ADGRV1: variants seen among roughly 807,000 people sequenced by gnomAD.
The protein encoded by ADGRV1 is G-protein coupled receptor 98.
A neutral mutation model predicts 596.2 loss-of-function variants in ADGRV1; 359 were observed. The ratio of observed to expected loss-of-function variants is 0.60; its 90% CI spans 0.55 to 0.66. The LOEUF is 0.66. Among genes scored for constraint, ADGRV1 ranks in the 30% least tolerant of loss-of-function variants. The probability of loss-of-function intolerance (pLI) is 0.00; values close to 1 mark genes in which losing one functional copy is unlikely to be tolerated. For missense variants in ADGRV1, 7,274 were observed against 7,575.6 expected, an observed-to-expected ratio of 0.96 and a Z score of 1.48; for synonymous variants, 2,681 against 2,679.2, an observed-to-expected ratio of 1.00 and a Z score of -0.02.
chr5:90,642,366 G>C (rs915616326), intron 11 of ADGRV1, among the ~76,000 whole-genome samples: 1 of 152,042 alleles, frequency 6.6e-6, no homozygotes, highest in Non-Finnish European at 1.5e-5. Flanking sequence ...TTTGGTTACA[G>C]TATTCTTGGT....
At chr5:90,820,770 TC>T (rs1177408458) in intron 75 of ADGRV1, among the ~76,000 whole-genome samples, 2 of 151,892 alleles carry the variant, frequency 1.3e-5, no homozygotes, top group African/African-American at 4.8e-5. Context: ...TTGTAGGGTT[TC>T]TGCCGAGAGA....
chr5:90,871,499 G>A (rs1241184165), intron 83 of ADGRV1, among the ~76,000 whole-genome samples: 1 of 152,194 alleles, frequency 6.6e-6, no homozygotes, highest in Non-Finnish European at 1.5e-5. Context: ...ACTTTCCCAA[G>A]TGCTGAAGTA....
At chr5:90,986,293 A>G (rs1432744648) in intron 85 of ADGRV1, among the ~76,000 whole-genome samples, 1 of 151,866 alleles carries the variant, frequency 6.6e-6, no homozygotes, top group Non-Finnish European at 1.5e-5. Context: ...AAAATAGCCT[A>G]TTCACAATCT....
chr5:90,637,664 C>A, intron 10 of ADGRV1, 61 bp from the exon 11 acceptor site: 2 of 1,199,334 alleles, frequency 1.7e-6, no homozygotes, highest in Non-Finnish European at 2.3e-6. Flanking sequence ...AATACCAAAG[C>A]TTATATAATT....
chr5:90,775,049 T>A (rs570659266), intron 60 of ADGRV1, among the ~76,000 whole-genome samples: 1 of 152,176 alleles, frequency 6.6e-6, no homozygotes, highest in African/African-American at 2.4e-5. Context: ...GTTTTTTGGA[T>A]CCATAGAGAA....
At chr5:90,632,060 CTTGT>C (rs1030708909) in intron 9 of ADGRV1, among the ~76,000 whole-genome samples, 6 of 145,398 alleles carry the variant, frequency 4.1e-5, no homozygotes, top group Middle Eastern at 3.2e-3. Context: ...GACATTAGCA[CTTGT>C]TTGTCTTCTC....
intron 86 of ADGRV1, among the ~76,000 whole-genome samples, chr5:91,101,048 C>T (rs946662408): frequency 5.9e-5 from 9 of 152,094 alleles, no homozygotes; most frequent in Admixed American, 3.3e-4. Flanking sequence ...AAGGAAATTA[C>T]TGGTATAATA....
Position 91,148,384 on chromosome 5 carries a change from A to C in ADGRV1, c.18433-1646A>C, listed in dbSNP as rs573470295. On this transcript the variant is annotated intron_variant, in intron 87 of 89. Transcript: ENST00000405460. ...GTCCAGGGCCCCGCTGCTGTGTGCC[A>C]TGTGTGCAGTCATGACTCTAAGGGG... 5.5e-4 allele frequency among the ~76,000 whole-genome samples: 83 copies of C among 152,124 alleles called. 2 individuals carry two copies. In the South Asian group the frequency reaches 0.017, roughly 32 times the overall value.
chr5:90,927,205 C>G (rs370224181), intron 83 of ADGRV1, among the ~76,000 whole-genome samples: 2 of 150,604 alleles, frequency 1.3e-5, no homozygotes, highest in Admixed American at 1.3e-4. Flanking sequence ...CTTTCTGTCT[C>G]GTTGATCTGT....
intron 84 of ADGRV1, among the ~76,000 whole-genome samples, chr5:90,978,784 A>G (rs1174147531): frequency 6.6e-6 from 1 of 152,238 alleles, no homozygotes. Flanking sequence ...ATATATGTAT[A>G]TAAACAAACT....
chr5:90,662,294 C>T (rs767529235), intron 21 of ADGRV1, among the ~76,000 whole-genome samples: 57 of 150,272 alleles, frequency 3.8e-4, no homozygotes, highest in Non-Finnish European at 5.8e-4. Flanking sequence ...CCCGGGTTCA[C>T]GCCATTCTCC....
At chr5:90,770,957 TTC>T in intron 59 of ADGRV1, among the ~76,000 whole-genome samples, 1 of 152,306 alleles carries the variant, frequency 6.6e-6, no homozygotes, top group East Asian at 1.9e-4. Flanking sequence ...TCTTAAACAT[TTC>T]TTTTTCATAC....
chr5:90,753,716 C>G lies in ADGRV1; in HGVS notation c.11264C>G (p.Thr3755Ser). ...GTTGAGGACTCATACAAAGGTGCTACTATTGATCAGGACAGAAGCAAGTCT... is the reference window on the plus strand; with the variant it reads ...GTTGAGGACTCATACAAAGGTGCTAGTATTGATCAGGACAGAAGCAAGTCT... ...EGVEDSYKGATIDQDRSKSVI... is the reference protein window; with the variant it reads ...EGVEDSYKGASIDQDRSKSVI... The change falls in exon 54 of 90, where the codon ACT (threonine) becomes AGT (serine). Residue 3755 changes from threonine to serine, a missense_variant. This residue lies in a region of ADGRV1 where 3,643 missense variants were observed against 3,809.2 expected (regional missense o/e 0.96). Transcript: ENST00000405460. 4 of 1,613,626 alleles carry G rather than the reference C, an allele frequency of 2.5e-6. No homozygotes were observed. The highest frequency in any genetic ancestry group is 3.4e-6 in the Non-Finnish European group (4 of 1,179,692).
intron 83 of ADGRV1, among the ~76,000 whole-genome samples, chr5:90,963,212 A>G (rs1228059879): frequency 6.6e-6 from 1 of 152,166 alleles, no homozygotes; most frequent in Non-Finnish European, 1.5e-5. Context: ...CAGAACATGA[A>G]ATGTTAAAAT....
At chr5:90,878,461 T>C (rs1769426605) in intron 83 of ADGRV1, among the ~76,000 whole-genome samples, 1 of 152,216 alleles carries the variant, frequency 6.6e-6, no homozygotes. Flanking sequence ...AGGCTAACGT[T>C]AAGTGGTTTA....
rs115787789 is a variant in ADGRV1, at chr5:90,738,139, C to T, written c.10550-6907C>T. On this transcript the variant is annotated intron_variant, in intron 50 of 89. Transcript: ENST00000405460. ...TTACCATGAGGCTTACATAAAACAT[C>T]TTGTACTCAGAAACAGCTATTTTAA... Among the ~76,000 whole-genome samples the T allele has an allele frequency of 4.9e-3, 750 of 152,114 alleles. 6 individuals carry two copies. Among genetic ancestry groups the T allele is most frequent in the African/African-American group, 0.017 (709 of 41,542 alleles).
At chr5:91,012,245 T>G (rs183994592) in intron 85 of ADGRV1, among the ~76,000 whole-genome samples, 1 of 152,126 alleles carries the variant, frequency 6.6e-6, no homozygotes, top group East Asian at 1.9e-4. Flanking sequence ...ACCTTTCAGC[T>G]TGGTCTACAA....
intron 59 of ADGRV1, among the ~76,000 whole-genome samples, chr5:90,772,760 A>C (rs1471046930): frequency 6.6e-6 from 1 of 152,248 alleles, no homozygotes; most frequent in South Asian, 2.1e-4. Context: ...GTACATATAA[A>C]GAAGTATGTA....
chr5:90,887,869 G>A (rs1350339322), intron 83 of ADGRV1, among the ~76,000 whole-genome samples: 2 of 151,980 alleles, frequency 1.3e-5, no homozygotes, highest in South Asian at 2.1e-4. Context: ...ATTCACAATA[G>A]CATTTTTGTA....
Sources: allele counts gnomAD v4.1 joint callset (sites outside exome capture counted in the v4.1 genomes callset), GRCh38; gene constraint gnomAD v4.1.1; regional missense constraint gnomAD v4.1.1; transcripts MANE v1.5; gene names NCBI Gene and HGNC (gene_info 2026-07-23, HGNC 2026-07-21).